Variants in NBPF12 observed in about 807,000 individuals in gnomAD.
NBPF12 encodes the protein NBPF family member NBPF12.
Under a neutral mutation model 146.4 loss-of-function variants are expected in NBPF12, and 115 were observed. The ratio of observed to expected loss-of-function variants is 0.79; its 90% CI spans 0.68 to 0.92. The LOEUF (loss-of-function observed/expected upper bound fraction) is 0.92, where lower values mean the gene tolerates loss of function less well. Ranked by LOEUF, NBPF12 falls within the 40% of genes least tolerant of loss-of-function variation. NBPF12 has a pLI of 0.00. For missense variants in NBPF12, 1,205 were observed against 1,326.8 expected (o/e 0.91, Z 1.43); for synonymous variants, 385 against 508.9 (o/e 0.76, Z 3.28).
At chr1:146,950,190 G>A in intron 1 of NBPF12, among the ~76,000 whole-genome samples, 1 of 151,772 alleles carries the variant, frequency 6.6e-6, no homozygotes, top group South Asian at 2.1e-4. Context: ...TGTCATTAAA[G>A]CATTAGTTCA....
chr1:146,950,874 C>T lies in NBPF12; in HGVS notation c.-325-474C>T, dbSNP rs1399147519. On this transcript the variant is annotated intron_variant, in intron 1 of 33. Transcript: ENST00000617844. ...TACGAATAAAACTGCTATGGACATT[C>T]TTGTATATATCATTTTCTGCACATA... 2.6e-3 allele frequency among the ~76,000 whole-genome samples: 402 copies of T among 152,146 alleles called. 2 individuals are homozygous for T. Among genetic ancestry groups the T allele is most frequent in the African/African-American group, 9.3e-3 (384 of 41,498 alleles).
chr1:146,981,785 G>A (rs1162861316), intron 19 of NBPF12, among the ~76,000 whole-genome samples: 2 of 150,416 alleles, frequency 1.3e-5, no homozygotes, highest in African/African-American at 4.9e-5. Flanking sequence ...TTCTCTTCTC[G>A]CTTCATTTCA....
rs1553884512 is a variant in NBPF12 at position 146,957,892 on chromosome 1, C to CAT, written c.-183-1959_-183-1958dup. ...ATATATTGTATATTATGTATATACA[C>CAT]ATATATATACACGTATGTATATACA... On this transcript the variant is annotated intron_variant, in intron 2 of 33. Transcript: ENST00000617844. Among the ~76,000 whole-genome samples the CAT allele has an allele frequency of 7.3e-5, 8 of 109,628 alleles. 1 individual carries two copies. The highest frequency in any genetic ancestry group is 9.2e-5 in the African/African-American group (3 of 32,490). 71.9% of individuals were successfully genotyped at this position (109,628 alleles called of 152,430 possible).
chr1:146,967,307 C>A (rs1656271040), intron 9 of NBPF12, among the ~76,000 whole-genome samples: 1 of 150,536 alleles, frequency 6.6e-6, no homozygotes, highest in Admixed American at 6.6e-5. Context: ...TTGAGACCAG[C>A]CTGGGCAACA....
At chr1:146,942,153 A>C (rs1654839704) in intron 1 of NBPF12, among the ~76,000 whole-genome samples, 1 of 151,448 alleles carries the variant, frequency 6.6e-6, no homozygotes, top group African/African-American at 2.4e-5. Context: ...CACCATGCCC[A>C]GCTAATTTTT....
intron 8 of NBPF12, among the ~76,000 whole-genome samples, chr1:146,965,803 A>G (rs1252427707): frequency 7.2e-6 from 1 of 138,496 alleles, no homozygotes; most frequent in Non-Finnish European, 1.6e-5. Context: ...AAAAAAAAAA[A>G]AAAAAAAAAA....
chr1:146,940,330 G>A (rs1316692596), intron 1 of NBPF12, among the ~76,000 whole-genome samples: 7 of 151,918 alleles, frequency 4.6e-5, no homozygotes, highest in Non-Finnish European at 1.0e-4. Flanking sequence ...TGATCTGGGC[G>A]TGGTAGATCA....
chr1:146,981,107 A>C (rs1657343506), intron 19 of NBPF12, among the ~76,000 whole-genome samples: 1 of 126,892 alleles, frequency 7.9e-6, no homozygotes, highest in Non-Finnish European at 1.6e-5. Flanking sequence ...AGGAAGGGGA[A>C]CATCACACAC....
intron 33 of NBPF12, 115 bp downstream of exon 36, chr1:146,993,822 A>G: frequency 8.6e-6 from 1 of 116,790 alleles, no homozygotes; most frequent in Non-Finnish European, 1.4e-5. Flanking sequence ...AATTACTCCT[A>G]CTGTCATTGC....
exon 7 of NBPF12, chr1:146,964,417 C>T: frequency 6.2e-7 from 1 of 1,601,466 alleles, no homozygotes; most frequent in East Asian, 2.2e-5. Flanking sequence ...GTACTGGAAT[C>T]ATCTGCCCCC....
Position 146,953,374 on chromosome 1 carries a change from C to A in NBPF12, c.-184+1885C>A, listed in dbSNP as rs1655407621. 4.9e-5 allele frequency among the ~76,000 whole-genome samples: 7 copies of A among 142,208 alleles called. No individual in the cohort carries two copies. The South Asian group carries it at 1.7e-3, about 34-fold the overall frequency. 93.3% of individuals were successfully genotyped at this position (142,208 alleles called of 152,430 possible). ...TATGACCTGGTATCCAGTTCAGATA[C>A]CTGGAGCTTCTTGACTGGGGGGAGA... On this transcript the variant is annotated intron_variant, in intron 2 of 33. Transcript: ENST00000617844.
upstream of NBPF12, among the ~76,000 whole-genome samples, chr1:146,947,028 C>A (rs1247888099): frequency 1.3e-5 from 2 of 151,920 alleles, no homozygotes; most frequent in African/African-American, 2.4e-5. Context: ...TTCCATGCAT[C>A]TATTTGTGTG....
exon 8 of NBPF12, chr1:146,964,972 G>C: frequency 6.2e-7 from 1 of 1,605,854 alleles, no homozygotes. Flanking sequence ...AAATAGCCAC[G>C]GCCCTTGTGA....
rs1410101355 is a variant in NBPF12, at chr1:146,971,400, C to G, written c.1591+6C>G. 1.1e-5 allele frequency: 18 copies of G among 1,607,450 alleles called. No homozygotes were observed. The highest frequency in any genetic ancestry group is 1.7e-5 in the Admixed American group (1 of 59,862). On this transcript the variant is annotated splice_donor_region_variant and intron_variant, in intron 13 of 33. Coordinates refer to ENST00000617844, the Ensembl canonical transcript of NBPF12. ...TGCTCTAAACATTCTCCCAGGTAGC[C>G]TCTATTTTCCTTGTGTCTCATACCT...
intron 13 of NBPF12, among the ~76,000 whole-genome samples, chr1:146,971,880 C>A (rs1358220755): frequency 7.0e-5 from 10 of 143,390 alleles, no homozygotes; most frequent in Non-Finnish European, 1.2e-4. Context: ...GAGATTGAGA[C>A]CATCCTGGCT....
intron 19 of NBPF12, among the ~76,000 whole-genome samples, chr1:146,980,575 C>G (rs1333206116): frequency 6.6e-6 from 1 of 151,780 alleles, no homozygotes; most frequent in Admixed American, 6.6e-5. Flanking sequence ...ACTTATGAAG[C>G]TTTGTTTGGC....
chr1:146,948,834 A>C (rs1193961709), upstream of NBPF12, among the ~76,000 whole-genome samples: 1 of 151,608 alleles, frequency 6.6e-6, no homozygotes, highest in Non-Finnish European at 1.5e-5. Flanking sequence ...GGGCAATGGA[A>C]TGTCTCGGTG....
At chr1:146,963,280 C>T in exon 6 of NBPF12, 2 of 1,612,004 alleles carry the variant, frequency 1.2e-6, no homozygotes. Context: ...TGTAGACTGG[C>T]ACAGCAACTT....
chr1:146,995,887 A>C (rs1393497047), exon 34 of NBPF12: 1 of 150,092 alleles, frequency 6.7e-6, no homozygotes, highest in Admixed American at 6.6e-5. Context: ...TCATCCTCTA[A>C]ACATTTTATC....
Sources: gnomAD v4.1 joint callset for allele counts (sites outside exome capture counted in the v4.1 genomes callset) on GRCh38, gnomAD v4.1.1 for gene constraint, MANE v1.5 for transcripts, NCBI Gene and HGNC (gene_info 2026-07-23, HGNC 2026-07-21) for gene names.